WDR1: variants seen among roughly 807,000 people sequenced by gnomAD.
WDR1 encodes the protein WD repeat domain 1.
Under a neutral mutation model 71.9 loss-of-function variants are expected in WDR1, and 21 were observed. That is an observed-to-expected ratio of 0.29 (90% confidence interval 0.21 to 0.42). The LOEUF (loss-of-function observed/expected upper bound fraction) is 0.42, where lower values mean the gene tolerates loss of function less well. Ranked by LOEUF, WDR1 falls within the 10% of genes least tolerant of loss-of-function variation. The pLI is 1.00. For missense variants in WDR1, 696 were observed against 824.5 expected (o/e 0.84, Z 1.91); for synonymous variants, 424 against 347.4 (o/e 1.22, Z -2.45).
chr4:10,083,204 G>C (rs373883016), intron 9 of WDR1, 26 bp from the exon 10 acceptor site: 1 of 1,606,990 alleles, frequency 6.2e-7, no homozygotes, highest in Non-Finnish European at 8.5e-7. Context: ...GGAAAAGCCC[G>C]GCTCCCAGGA....
intron 5 of WDR1, chr4:10,096,090 G>C (rs1288252527): frequency 5.3e-5 from 8 of 152,298 alleles, no homozygotes; most frequent in African/African-American, 1.9e-4. Context: ...CAGGGGCACA[G>C]CAGCCTGGTG....
At position 10,087,782 on chromosome 4, in the gene WDR1, C is replaced by T; in HGVS notation, c.876G>A (p.Leu292=). 1 of 1,600,368 alleles carries T rather than the reference C, an allele frequency of 6.2e-7. No individual in the cohort carries two copies. The highest frequency in any genetic ancestry group is 1.7e-5 in the Admixed American group (1 of 58,004). Residue 292 remains leucine (L), a synonymous_variant, in exon 8 of 15, where the codon CTG becomes CTA. Coordinates refer to ENST00000499869, the MANE Select transcript of WDR1 (RefSeq NM_017491.5). ...TGTACCCGGACAGGGAGACACTGAG[C>T]AGGTGGTCCTTCTGCCATAGGCAGC... ...QLGCLWQKDH[L]LSVSLSGYIN...
rs905116939 is a variant in WDR1, at chr4:10,088,736, G to A, written c.564C>T (p.His188=). 4 of 1,598,346 alleles carry A rather than the reference G, an allele frequency of 2.5e-6. No homozygotes were observed. The highest frequency in any genetic ancestry group is 1.1e-5 in the South Asian group (1 of 88,034). The change falls in exon 6 of 15, where the codon CAC becomes CAT. Residue 188 remains histidine (H), a synonymous_variant. Transcript: ENST00000499869. ...ATCGCACACAGTTGACAAAGCGGCT[G>A]TGGTCCTGCAGGAAAACAATTACCT... is the stretch of plus-strand genomic sequence containing the variant. ...PFKFKFTIGD[H]SRFVNCVRFS...
At chr4:10,085,459 C>T (rs1380482313) in intron 8 of WDR1, among the ~76,000 whole-genome samples, 3 of 152,224 alleles carry the variant, frequency 2.0e-5, no homozygotes, top group Non-Finnish European at 1.5e-5. Flanking sequence ...GTAAGAGACA[C>T]TGAGCTGGGC....
Position 10,081,391 on chromosome 4 carries a change from G to A in WDR1, c.1250C>T (p.Pro417Leu). 1 of 1,613,880 alleles carries A rather than the reference G, an allele frequency of 6.2e-7. No homozygotes were observed. The highest frequency in any genetic ancestry group is 1.1e-5 in the South Asian group (1 of 91,074). Residue 417 changes from proline (P) to leucine (L), a missense_variant, in exon 11 of 15, where the codon CCC (proline) becomes CTC (leucine). Coordinates refer to ENST00000499869, the MANE Select transcript of WDR1 (RefSeq NM_017491.5). ...GCACACGACCACGGCGTATCCCCCG[G>A]GGCCGACGGCTACGCACTTTGGCTG... is the stretch of plus-strand genomic sequence containing the variant. ...DVQPKCVAVG[P>L]GGYAVVVCIG...
intron 8 of WDR1, among the ~76,000 whole-genome samples, chr4:10,087,028 T>G (rs1711620143): frequency 1.3e-5 from 2 of 152,126 alleles, no homozygotes; most frequent in African/African-American, 4.8e-5. Flanking sequence ...CCCCAGCCAA[T>G]GGAACACAGG....
rs1271423782 is a variant in WDR1 at position 10,088,653 on chromosome 4, C to T, written c.636+11G>A. On this transcript the variant is annotated intron_variant, in intron 6 of 14. Transcript: ENST00000499869. ...GCCATTCCCCACCCCAAAACCCATC[C>T]CAGTTCTTACCTGGCCGTCAGCACT... 1.9e-6 allele frequency: 3 copies of T among 1,597,230 alleles called. No individual in the cohort carries two copies. In the South Asian group the frequency reaches 3.4e-5, roughly 18 times the overall value.
In WDR1 at chr4:10,081,415, T is replaced by C; in HGVS notation, c.1226A>G (p.Gln409Arg). Residue 409 changes from glutamine to arginine, a missense_variant, in exon 11 of 15, where the codon CAG becomes CGG. Transcript: ENST00000499869. ...SGQGVVKLDV[Q>R]PKCVAVGPGG... ...GGGGCCGACGGCTACGCACTTTGGC[T>C]GAACGTCCAGTTTCACAACTCCTTG... is the stretch of plus-strand genomic sequence containing the variant. The C allele has an allele frequency of 6.2e-7, 1 of 1,613,930 alleles. No homozygotes were observed. The highest frequency in any genetic ancestry group is 8.5e-7 in the Non-Finnish European group (1 of 1,179,880).
chr4:10,101,084 A>T (rs1409013869), intron 3 of WDR1, among the ~76,000 whole-genome samples: 1 of 152,162 alleles, frequency 6.6e-6, no homozygotes, highest in Non-Finnish European at 1.5e-5. Flanking sequence ...GCCCTCGCCA[A>T]CTCCCAAGGG....
chr4:10,103,649 C>T (rs561433143), intron 3 of WDR1, among the ~76,000 whole-genome samples: 6 of 152,310 alleles, frequency 3.9e-5, no homozygotes, highest in African/African-American at 1.4e-4. Flanking sequence ...GGGCTGCATT[C>T]GAAGCCATCC....
At position 10,116,766 on chromosome 4, in the gene WDR1, C is replaced by T. The variant is rs1157972250; in HGVS notation, c.-100G>A. ...CGAGGCCGAGCCCGGGGACTGGAGC[C>T]GGAAGGCGGCACCGGGCGTGCCGGG... On this transcript the variant is annotated 5_prime_UTR_variant, in exon 1 of 15. Coordinates refer to ENST00000499869, the MANE Select transcript of WDR1 (RefSeq NM_017491.5). 8.1e-7 allele frequency: 1 copy of T among 1,227,924 alleles called. No individual in the cohort carries two copies. 76.1% of individuals were successfully genotyped at this position (1,227,924 alleles called of 1,614,324 possible).
chr4:10,112,061 T>C (rs1445903568), intron 2 of WDR1, among the ~76,000 whole-genome samples: 4 of 150,428 alleles, frequency 2.7e-5, no homozygotes, highest in Non-Finnish European at 1.5e-5. Context: ...AAAAGTTGCT[T>C]TTTTTTTTTC....
intron 5 of WDR1, chr4:10,096,505 G>C (rs1429569450): frequency 6.6e-6 from 1 of 152,244 alleles, no homozygotes; most frequent in African/African-American, 2.4e-5. Context: ...GCTTTCACCT[G>C]CCCAGCCAGG....
rs770801011 is a variant in WDR1, at chr4:10,084,433, C to A, written c.1039+10G>T. 3 of 1,612,990 alleles carry A rather than the reference C, an allele frequency of 1.9e-6. No individual in the cohort carries two copies. The highest frequency in any genetic ancestry group is 2.2e-5 in the South Asian group (2 of 90,878). ...CGGCTCCGGAGCCAGCTCTTTGAGT[C>A]AAAGGATATTAATGTGTCCGTCGTG... is the stretch of plus-strand genomic sequence containing the variant. On this transcript the variant is annotated intron_variant, in intron 9 of 14. Transcript: ENST00000499869.
intron 5 of WDR1, among the ~76,000 whole-genome samples, chr4:10,097,371 G>A (rs1482953160): frequency 6.6e-6 from 1 of 152,262 alleles, no homozygotes; most frequent in Non-Finnish European, 1.5e-5. Flanking sequence ...CTAACAGCAG[G>A]CCCTGCAGGC....
chr4:10,075,607 A>G (rs899949273), intron 14 of WDR1, 123 bp from the exon 15 acceptor site: 2 of 881,400 alleles, frequency 2.3e-6, no homozygotes, highest in Non-Finnish European at 3.6e-6. Flanking sequence ...ATGGCCACGA[A>G]TCGTTGTAAC....
chr4:10,081,443 C>T lies in WDR1; in HGVS notation c.1198G>A (p.Gly400Arg), dbSNP rs765718599. Residue 400 changes from glycine to arginine, a missense_variant and splice_region_variant, in exon 11 of 15, where the codon GGA becomes AGA. Transcript: ENST00000499869. The stretch of plus-strand genomic sequence containing the variant: ...ACGTCCAGTTTCACAACTCCTTGTC[C>T]GCTGTTAGAGAGAAAGGAAGCACAT... ...YTSLMLRDYS[G>R]QGVVKLDVQP... 47 of 1,613,756 alleles carry T rather than the reference C, an allele frequency of 2.9e-5. No homozygotes were observed. Among genetic ancestry groups the T allele is most frequent in the Admixed American group, 3.3e-5 (2 of 60,012 alleles).
At chr4:10,090,974 G>A (rs890699346) in intron 5 of WDR1, among the ~76,000 whole-genome samples, 5 of 152,260 alleles carry the variant, frequency 3.3e-5, no homozygotes, top group African/African-American at 1.2e-4. Flanking sequence ...GCACCAGGCT[G>A]GCTCAGTCTG....
intron 2 of WDR1, among the ~76,000 whole-genome samples, chr4:10,110,603 C>T (rs1418090166): frequency 2.6e-5 from 4 of 152,216 alleles, no homozygotes; most frequent in African/African-American, 7.2e-5. Flanking sequence ...CAAGACCCAA[C>T]TCAAATGTGG....
Sources: allele counts gnomAD v4.1 joint callset (sites outside exome capture counted in the v4.1 genomes callset), GRCh38; gene constraint gnomAD v4.1.1; transcripts MANE v1.5; gene names NCBI Gene and HGNC (gene_info 2026-07-23, HGNC 2026-07-21).